Variants in CYSTM1 observed in about 807,000 individuals in gnomAD.
The protein encoded by CYSTM1 is cysteine-rich transmembrane module-containing protein 1.
Under a neutral mutation model 13.1 loss-of-function variants are expected in CYSTM1, and 4 were observed. That is an observed-to-expected ratio of 0.31 (90% CI 0.15 to 0.70). The LOEUF (loss-of-function observed/expected upper bound fraction) is 0.70, where lower values mean the gene tolerates loss of function less well. Ranked by LOEUF, CYSTM1 falls within the 30% of genes least tolerant of loss-of-function variation. CYSTM1 has a pLI of 0.72. For synonymous variants in CYSTM1, 36 were observed against 42.7 expected, an observed-to-expected ratio of 0.84 and a Z score of 0.62; for missense variants, 96 against 121.6, an observed-to-expected ratio of 0.79 and a Z score of 0.99.
intron 1 of CYSTM1, among the ~76,000 whole-genome samples, chr5:140,193,670 C>T (rs1764118023): frequency 6.6e-6 from 1 of 152,212 alleles, no homozygotes; most frequent in South Asian, 2.1e-4. Flanking sequence ...AAACTTCAAG[C>T]CCAATCAAGA....
intron 2 of CYSTM1, among the ~76,000 whole-genome samples, chr5:140,211,956 C>T (rs528863786): frequency 8.5e-5 from 13 of 152,070 alleles, no homozygotes; most frequent in East Asian, 3.9e-4. Flanking sequence ...CACACACACA[C>T]GCAAAAATAA....
intron 1 of CYSTM1, among the ~76,000 whole-genome samples, chr5:140,193,106 A>T (rs914450337): frequency 6.6e-6 from 1 of 152,254 alleles, no homozygotes; most frequent in African/African-American, 2.4e-5. Context: ...TTACATTTTG[A>T]ATCTGAGACT....
chr5:140,196,950 A>G (rs1764166353), intron 2 of CYSTM1, among the ~76,000 whole-genome samples: 2 of 152,332 alleles, frequency 1.3e-5, no homozygotes, highest in South Asian at 2.1e-4. Context: ...TAATCTTGAT[A>G]TAAACATTCT....
chr5:140,188,144 T>C (rs1764044936), intron 1 of CYSTM1, among the ~76,000 whole-genome samples: 1 of 150,392 alleles, frequency 6.6e-6, no homozygotes, highest in Non-Finnish European at 1.5e-5. Context: ...GTCATGATCA[T>C]AGCTCACTGC....
intron 1 of CYSTM1, among the ~76,000 whole-genome samples, chr5:140,184,473 G>C (rs1045791278): frequency 1.3e-5 from 2 of 151,666 alleles, no homozygotes; most frequent in African/African-American, 2.4e-5. Context: ...CAAAGGATAG[G>C]GTGTTTTTAT....
intron 2 of CYSTM1, among the ~76,000 whole-genome samples, chr5:140,213,996 G>A (rs187166217): frequency 1.3e-5 from 2 of 152,336 alleles, no homozygotes; most frequent in Admixed American, 1.3e-4. Flanking sequence ...AGTGGTAAAG[G>A]AGGAGGAGTC....
intron 1 of CYSTM1, among the ~76,000 whole-genome samples, chr5:140,178,057 G>C (rs968816495): frequency 2.6e-5 from 4 of 152,156 alleles, no homozygotes; most frequent in Non-Finnish European, 5.9e-5. Flanking sequence ...GGAAAAAAAT[G>C]TTAGTGTGTT....
chr5:140,241,761 C>T (rs1278010624), intron 2 of CYSTM1, among the ~76,000 whole-genome samples: 1 of 152,176 alleles, frequency 6.6e-6, no homozygotes, highest in African/African-American at 2.4e-5. Flanking sequence ...GCAGTGACCC[C>T]AGGGCCTGGG....
intron 2 of CYSTM1, among the ~76,000 whole-genome samples, chr5:140,224,298 C>A (rs962217783): frequency 6.6e-6 from 1 of 152,050 alleles, no homozygotes; most frequent in Admixed American, 6.5e-5. Flanking sequence ...CGCCACCACA[C>A]CCAGCTAATT....
At chr5:140,200,917 A>G (rs1016028095) in intron 2 of CYSTM1, 1 of 152,174 alleles carries the variant, frequency 6.6e-6, no homozygotes, top group Non-Finnish European at 1.5e-5. Flanking sequence ...GACATTTTGT[A>G]TAAATGGAAC....
chr5:140,180,043 G>A (rs1763945528), intron 1 of CYSTM1, among the ~76,000 whole-genome samples: 1 of 152,138 alleles, frequency 6.6e-6, no homozygotes, highest in South Asian at 2.1e-4. Flanking sequence ...GTAACAGAAG[G>A]CTGTGGAACT....
In CYSTM1 at chr5:140,193,382, C is replaced by T. The variant is rs1764115255; in HGVS notation, c.-20-1064C>T. 2.0e-5 allele frequency among the ~76,000 whole-genome samples: 3 copies of T among 152,228 alleles called. No individual in the cohort carries two copies. The South Asian group carries it at 6.2e-4, about 31-fold the overall frequency. ...CATTGCAACCTCTACCTCCCAAGTTCAAGCGATTCTCCTGCCTCAGCCTCC... is the reference window on the plus strand; with the variant it reads ...CATTGCAACCTCTACCTCCCAAGTTTAAGCGATTCTCCTGCCTCAGCCTCC... On this transcript the variant is annotated intron_variant, in intron 1 of 2. Transcript: ENST00000261811.
At chr5:140,194,034 C>A (rs1764122754) in intron 1 of CYSTM1, among the ~76,000 whole-genome samples, 1 of 152,224 alleles carries the variant, frequency 6.6e-6, no homozygotes, top group South Asian at 2.1e-4. Flanking sequence ...TGATGAGACT[C>A]ATAGTGCTGT....
chr5:140,234,462 A>G (rs1764654136), intron 2 of CYSTM1, among the ~76,000 whole-genome samples: 1 of 152,184 alleles, frequency 6.6e-6, no homozygotes, highest in Admixed American at 6.5e-5. Flanking sequence ...ATTTTTATTG[A>G]AATTGCATTA....
chr5:140,183,876 C>T (rs998728146), intron 1 of CYSTM1, among the ~76,000 whole-genome samples: 2 of 152,102 alleles, frequency 1.3e-5, no homozygotes, highest in Admixed American at 1.3e-4. Context: ...TGGATCCTGC[C>T]CTGAAGCTAG....
At chr5:140,224,058 A>C (rs1764521073) in intron 2 of CYSTM1, among the ~76,000 whole-genome samples, 1 of 152,174 alleles carries the variant, frequency 6.6e-6, no homozygotes, top group African/African-American at 2.4e-5. Flanking sequence ...CCCTGTACGT[A>C]CTCTCCAGAA....
chr5:140,220,648 G>T (rs1321830627), intron 2 of CYSTM1, among the ~76,000 whole-genome samples: 2 of 152,238 alleles, frequency 1.3e-5, no homozygotes, highest in African/African-American at 4.8e-5. Flanking sequence ...TCAGGAAAAT[G>T]CAAAGTGAGC....
intron 1 of CYSTM1, among the ~76,000 whole-genome samples, chr5:140,194,098 TA>T (rs1278487209): frequency 6.6e-6 from 1 of 152,188 alleles, no homozygotes; most frequent in African/African-American, 2.4e-5. Context: ...TCAGAGGAAT[TA>T]AAAAACAAAA....
intron 1 of CYSTM1, among the ~76,000 whole-genome samples, chr5:140,184,387 G>T (rs1253087792): frequency 1.3e-4 from 19 of 146,366 alleles, no homozygotes; most frequent in Non-Finnish European, 1.4e-4. Flanking sequence ...ATAAAGTTGG[G>T]TTTTTTTTTT....
Sources: gnomAD v4.1 joint callset for allele counts (sites outside exome capture counted in the v4.1 genomes callset) on GRCh38, gnomAD v4.1.1 for gene constraint, MANE v1.5 for transcripts, NCBI Gene and HGNC (gene_info 2026-07-23, HGNC 2026-07-21) for gene names.